The following PDE6A variants were observed in gnomAD, a reference collection of about 807,000 sequenced individuals.
PDE6A encodes the protein rod cGMP-specific 3',5'-cyclic phosphodiesterase subunit alpha.
In PDE6A, 84 loss-of-function variants were observed where a neutral mutation model predicts 106.3. The observed-to-expected ratio is 0.79, with a 90% CI of 0.66 to 0.95. PDE6A has a LOEUF of 0.95. PDE6A is among the 40% of genes least tolerant of loss of function. PDE6A has a pLI of 0.00. For missense variants in PDE6A, 1,052 were observed against 1,084.9 expected, an observed-to-expected ratio of 0.97 and a Z score of 0.43; for synonymous variants, 394 against 386.6, an observed-to-expected ratio of 1.02 and a Z score of -0.23.
intron 14 of PDE6A, among the ~76,000 whole-genome samples, chr5:149,885,976 C>G (rs776363664): frequency 2.0e-5 from 3 of 152,194 alleles, no homozygotes; most frequent in Non-Finnish European, 2.9e-5. Context: ...ATGGGGCCCA[C>G]TCGAATGAAT....
chr5:149,933,851 T>G (rs998390992), intron 3 of PDE6A, 79 bp downstream of exon 3: 6 of 1,023,256 alleles, frequency 5.9e-6, no homozygotes, highest in Non-Finnish European at 9.1e-6. Context: ...TTCATTCCCA[T>G]CTGCCTGCCA....
At chr5:149,888,580 T>C (rs566219981) in intron 13 of PDE6A, among the ~76,000 whole-genome samples, 1 of 150,738 alleles carries the variant, frequency 6.6e-6, no homozygotes, top group South Asian at 2.1e-4. Context: ...AAAAACTGCT[T>C]TTGGTAAGAA....
At chr5:149,891,339 G>A (rs1752538246) in intron 13 of PDE6A, among the ~76,000 whole-genome samples, 1 of 152,108 alleles carries the variant, frequency 6.6e-6, no homozygotes, top group Non-Finnish European at 1.5e-5. Context: ...GGGTGGTGAC[G>A]CGTGCCTGTA....
chr5:149,896,467 A>T lies in PDE6A; in HGVS notation c.1509T>A (p.Ile503=), dbSNP rs779946103. The T allele has an allele frequency of 8.1e-6, 13 of 1,613,986 alleles. No homozygotes were observed. The East Asian group carries it at 2.9e-4, about 36-fold the overall frequency. The stretch of plus-strand genomic sequence containing the variant: ...GTAAGTCACTGAAGTGAAATTTATT[A>T]ATTTCGTATTTATCTGCATCTGGCA... ...AELPDADKYE[I]NKFHFSDLPL... The change falls in exon 12 of 22, where the codon ATT becomes ATA. Residue 503 remains isoleucine (I), a synonymous_variant. Transcript: ENST00000255266.
chr5:149,893,250 A>C (rs183303552), intron 13 of PDE6A, among the ~76,000 whole-genome samples: 2 of 152,168 alleles, frequency 1.3e-5, no homozygotes, highest in African/African-American at 4.8e-5. Flanking sequence ...TCTCTACCGC[A>C]AAACTTTAGG....
intron 17 of PDE6A, among the ~76,000 whole-genome samples, chr5:149,882,103 G>A (rs566056878): frequency 5.5e-5 from 8 of 144,524 alleles, no homozygotes; most frequent in African/African-American, 1.3e-4. Flanking sequence ...AAATGTCCAG[G>A]GGGGCAGCTC....
chr5:149,896,762 C>T lies in PDE6A; in HGVS notation c.1422G>A (p.Val474=), dbSNP rs753747149. 1 of 1,614,198 alleles carries T rather than the reference C, an allele frequency of 6.2e-7. No individual in the cohort carries two copies. Among genetic ancestry groups the T allele is most frequent in the Admixed American group, 1.7e-5 (1 of 60,022 alleles). ...CACACTCCCATGGCTCCTTCCCATA[C>T]ACCTCTCTGGTTTTCTGCCAGGACC... ...EIQKILKTRE[V]YGKEPWECEE... The change falls in exon 11 of 22, where the codon GTG becomes GTA. Residue 474 remains valine (V), a synonymous_variant. Coordinates refer to ENST00000255266, the MANE Select transcript of PDE6A (RefSeq NM_000440.3).
intron 17 of PDE6A, among the ~76,000 whole-genome samples, chr5:149,879,092 G>A (rs1581160915): frequency 6.6e-6 from 1 of 151,816 alleles, no homozygotes; most frequent in East Asian, 1.9e-4. Context: ...TCTATCTTGA[G>A]ATGGAGTCTT....
intron 10 of PDE6A, among the ~76,000 whole-genome samples, chr5:149,898,096 T>C (rs551426513): frequency 6.6e-6 from 1 of 152,318 alleles, no homozygotes; most frequent in African/African-American, 2.4e-5. Flanking sequence ...ATGAGGTGTT[T>C]CTGCAAGCAA....
chr5:149,939,232 T>A (rs1021961297), intron 1 of PDE6A, among the ~76,000 whole-genome samples: 4 of 152,004 alleles, frequency 2.6e-5, no homozygotes, highest in African/African-American at 9.7e-5. Flanking sequence ...CCAGGGAAGG[T>A]GAGGTGTGGT....
intron 1 of PDE6A, among the ~76,000 whole-genome samples, chr5:149,937,166 G>T (rs534319026): frequency 6.6e-6 from 1 of 152,134 alleles, no homozygotes; most frequent in Non-Finnish European, 1.5e-5. Flanking sequence ...AGGGAGCCAG[G>T]TATATGAAGC....
chr5:149,884,882 G>C lies in PDE6A; in HGVS notation c.1839-15C>G. 6.3e-7 allele frequency: 1 copy of C among 1,597,714 alleles called. No individual in the cohort carries two copies. Among genetic ancestry groups the C allele is most frequent in the Non-Finnish European group, 8.6e-7 (1 of 1,165,138 alleles). The stretch of plus-strand genomic sequence containing the variant: ...GGTTCTGGGATCTGAATGAGAAAGA[G>C]AGAGAATCAATATGGAGTGGACAAT... On this transcript the variant is annotated splice_polypyrimidine_tract_variant and intron_variant, in intron 14 of 21. Coordinates refer to ENST00000255266, the MANE Select transcript of PDE6A (RefSeq NM_000440.3).
chr5:149,889,905 T>TC (rs1338807819), intron 13 of PDE6A, among the ~76,000 whole-genome samples: 1 of 112,692 alleles, frequency 8.9e-6, no homozygotes, highest in Admixed American at 9.2e-5. Flanking sequence ...AGACTCTGTC[T>TC]CAAAAAAAAA....
intron 13 of PDE6A, among the ~76,000 whole-genome samples, chr5:149,890,537 G>T (rs1752509020): frequency 6.6e-6 from 1 of 152,106 alleles, no homozygotes; most frequent in Non-Finnish European, 1.5e-5. Flanking sequence ...AACACTATCA[G>T]TCACAATTTT....
rs761842499 is a variant in PDE6A at position 149,944,611 on chromosome 5, T to G, written c.63A>C (p.Lys21Asn). Reference sequence around the variant, plus strand: ...CCCGGTAGTGGAGGTTGTAGTACTGTTTGGCAAAGCCAATATTCGAGTCCA... The same window carrying G: ...CCCGGTAGTGGAGGTTGTAGTACTGGTTGGCAAAGCCAATATTCGAGTCCA... ...KFLDSNIGFA[K>N]QYYNLHYRAK... Residue 21 changes from lysine to asparagine, a missense_variant, in exon 1 of 22, where the codon AAA becomes AAC. Around this residue, in one of 3 missense-constraint regions of PDE6A, gnomAD observed 913 missense variants for 915.2 expected, o/e 1.00. Coordinates refer to ENST00000255266, the MANE Select transcript of PDE6A (RefSeq NM_000440.3). The G allele has an allele frequency of 6.2e-7, 1 of 1,613,970 alleles. No individual in the cohort carries two copies. Among genetic ancestry groups the G allele is most frequent in the Admixed American group, 1.7e-5 (1 of 60,004 alleles).
At chr5:149,917,271 C>T (rs544576941) in intron 5 of PDE6A, among the ~76,000 whole-genome samples, 216 of 151,466 alleles carry the variant, frequency 1.4e-3, no homozygotes, top group African/African-American at 5.0e-3. Context: ...GTTTTTCACA[C>T]ACACAAAAAA....
chr5:149,933,813 C>T, intron 3 of PDE6A, 117 bp downstream of exon 3: 2 of 737,474 alleles, frequency 2.7e-6, no homozygotes, highest in South Asian at 1.5e-5. Flanking sequence ...ACTCGTGATG[C>T]TGGCCAGAGA....
rs150799748 is a variant in PDE6A, at chr5:149,932,298, C to T, written c.718-1130G>A. ...ACTCGTAGACCGCTCTCTTTTTAGT[C>T]GGCCAACTGCACGGATTTCTTCATT... On this transcript the variant is annotated intron_variant, in intron 3 of 21. Transcript: ENST00000255266. The T allele has an allele frequency of 4.6e-3, 6,670 of 1,436,668 alleles. 231 individuals are homozygous for T. In the Admixed American group the frequency reaches 0.068, roughly 15 times the overall value. The allele number at this position is 1,436,668 out of a possible 1,614,324, so 89.0% of individuals were successfully genotyped here. A position where few individuals can be genotyped will look rare whatever the true frequency, so the allele number is the denominator to read the frequency against.
At position 149,863,305 on chromosome 5, in the gene PDE6A, G is replaced by T; in HGVS notation, c.2359-39C>A. ...TATGTGCCTCTGGTGCAAGGGCCAGGCCACAGGGTCTGGGCTCAAGCGGGT... is the reference window on the plus strand; with the variant it reads ...TATGTGCCTCTGGTGCAAGGGCCAGTCCACAGGGTCTGGGCTCAAGCGGGT... On this transcript the variant is annotated intron_variant, in intron 20 of 21. Transcript: ENST00000255266. This position sits in a 1 kb window ranked among gnomAD's most constrained non-coding sequence, Gnocchi z 4.7. 1 of 1,608,946 alleles carries T rather than the reference G, an allele frequency of 6.2e-7. No homozygotes were observed. Among genetic ancestry groups the T allele is most frequent in the Non-Finnish European group, 8.5e-7 (1 of 1,175,556 alleles).
Sources: allele counts gnomAD v4.1 joint callset (sites outside exome capture counted in the v4.1 genomes callset), GRCh38; gene constraint gnomAD v4.1.1; regional missense constraint gnomAD v4.1.1; non-coding constraint Gnocchi (gnomAD v3.1); transcripts MANE v1.5; gene names NCBI Gene and HGNC (gene_info 2026-07-23, HGNC 2026-07-21).